Variants in MET observed in about 807,000 individuals in gnomAD.
MET encodes the protein hepatocyte growth factor receptor.
In MET, 48 loss-of-function variants were observed where a neutral mutation model predicts 133.1. That is an observed-to-expected ratio of 0.36 (90% CI 0.29 to 0.46). The LOEUF is 0.46. MET is among the 20% of genes least tolerant of loss of function. MET has a pLI of 1.00. For synonymous variants in MET, 628 were observed against 616.5 expected (o/e 1.02, Z -0.28); for missense variants, 1,442 against 1,695.9 (o/e 0.85, Z 2.63).
chr7:116,698,230 C>G (rs751139564), intron 1 of MET, among the ~76,000 whole-genome samples: 7 of 152,200 alleles, frequency 4.6e-5, no homozygotes, highest in African/African-American at 1.2e-4. Flanking sequence ...CAGGCCCATT[C>G]ATGTTTCCTC....
intron 19 of MET, among the ~76,000 whole-genome samples, chr7:116,791,056 T>C (rs951234605): frequency 6.6e-6 from 1 of 152,208 alleles, no homozygotes; most frequent in Non-Finnish European, 1.5e-5. Context: ...CCAGCCTGGA[T>C]GACAGAGTGA....
chr7:116,688,272 A>G (rs908797866), intron 1 of MET, among the ~76,000 whole-genome samples: 4 of 152,066 alleles, frequency 2.6e-5, no homozygotes. Flanking sequence ...TGTTTCTCAA[A>G]TGTGATTTGC....
chr7:116,772,276 C>T (rs559712001), intron 14 of MET, among the ~76,000 whole-genome samples: 23 of 152,154 alleles, frequency 1.5e-4, no homozygotes, highest in East Asian at 3.9e-4. Context: ...TAAGAAATTG[C>T]GAAGCTCTCT....
chr7:116,766,783 T>C lies in MET; in HGVS notation c.2584-2862T>C, dbSNP rs371512340. 5.3e-5 allele frequency among the ~76,000 whole-genome samples: 8 copies of C among 152,292 alleles called. No homozygotes were observed. The East Asian group carries it at 9.6e-4, about 18-fold the overall frequency. On this transcript the variant is annotated intron_variant, in intron 11 of 20. Transcript: ENST00000397752. ...AGGGCAGTTTCATAGTATCTAATAATAAAGATAGTAAAAAATATATTCCTG... is the reference window on the plus strand; with the variant it reads ...AGGGCAGTTTCATAGTATCTAATAACAAAGATAGTAAAAAATATATTCCTG...
chr7:116,736,950 TACTTCAGGGGTA>T (rs1470951861), intron 3 of MET, among the ~76,000 whole-genome samples: 1 of 152,234 alleles, frequency 6.6e-6, no homozygotes, highest in Non-Finnish European at 1.5e-5. Context: ...TGGCACACAT[TACTTCAGGGGTA>T]TTTTGAGAGT....
chr7:116,700,330 A>C lies in MET; in HGVS notation c.1200+46A>C, dbSNP rs200739117. On this transcript the variant is annotated intron_variant, in intron 2 of 20. Coordinates refer to ENST00000397752, the MANE Select transcript of MET (RefSeq NM_000245.4). ...ACTTATAAACTGTGAGGTATAAATTAGAAATAAGTATCAGTCTCAAAAAGA... is the reference window on the plus strand; with the variant it reads ...ACTTATAAACTGTGAGGTATAAATTCGAAATAAGTATCAGTCTCAAAAAGA... 3.3e-4 allele frequency: 518 copies of C among 1,574,146 alleles called. No individual in the cohort carries two copies. The highest frequency in any genetic ancestry group is 4.0e-4 in the Non-Finnish European group (467 of 1,169,298).
Position 116,774,866 on chromosome 7 carries a change from T to C in MET, c.3029-15T>C, listed in dbSNP as rs1794944693. 6.2e-7 allele frequency: 1 copy of C among 1,601,508 alleles called. No individual in the cohort carries two copies. Among genetic ancestry groups the C allele is most frequent in the Non-Finnish European group, 8.6e-7 (1 of 1,168,834 alleles). On this transcript the variant is annotated splice_polypyrimidine_tract_variant and intron_variant, in intron 14 of 20. Transcript: ENST00000397752. ...TTTTACTGTTGTTCTTTAATAATTTTCCTTCATCTTACAGATCAGTTTCCT... is the reference window on the plus strand; with the variant it reads ...TTTTACTGTTGTTCTTTAATAATTTCCCTTCATCTTACAGATCAGTTTCCT...
intron 16 of MET, among the ~76,000 whole-genome samples, chr7:116,778,223 T>G (rs1238877632): frequency 6.6e-6 from 1 of 152,222 alleles, no homozygotes; most frequent in Non-Finnish European, 1.5e-5. Context: ...CCGCCTGTGT[T>G]GACAGGTCTC....
intron 1 of MET, among the ~76,000 whole-genome samples, chr7:116,681,420 C>T (rs1244472990): frequency 1.3e-5 from 2 of 152,054 alleles, no homozygotes; most frequent in Non-Finnish European, 2.9e-5. Flanking sequence ...AAGTTATGGC[C>T]CTAAAACCTG....
At chr7:116,703,450 C>T in intron 2 of MET, among the ~76,000 whole-genome samples, 1 of 152,072 alleles carries the variant, frequency 6.6e-6, no homozygotes, top group Non-Finnish European at 1.5e-5. Flanking sequence ...TAGGCTAATG[C>T]ATATTCTCTA....
At position 116,741,067 on chromosome 7, in the gene MET, G is replaced by GTT. The variant is rs112241458; in HGVS notation, c.1701+57_1701+58dup. The GTT allele has an allele frequency of 4.4e-3, 5,842 of 1,334,456 alleles. 4 individuals are homozygous for GTT. Among genetic ancestry groups the GTT allele is most frequent in the Admixed American group, 0.011 (497 of 45,424 alleles). The allele number at this position is 1,334,456 out of a possible 1,614,324, so 82.7% of individuals were successfully genotyped here. A position where few individuals can be genotyped will look rare whatever the true frequency, so the allele number is the denominator to read the frequency against. On this transcript the variant is annotated intron_variant, in intron 5 of 20. Transcript: ENST00000397752. ...GCTGGCATACATGTTTTTGTTTGGT[G>GTT]TTTTTTTTTTTTTTTTGGTTTGGTT... is the stretch of plus-strand genomic sequence containing the variant.
At chr7:116,728,309 G>C (rs576564280) in intron 2 of MET, among the ~76,000 whole-genome samples, 24 of 152,170 alleles carry the variant, frequency 1.6e-4, no homozygotes, top group Middle Eastern at 3.4e-3. Context: ...TTGATGGGGG[G>C]GGCAATAGAG....
intron 10 of MET, among the ~76,000 whole-genome samples, chr7:116,761,942 T>TATC (rs1262483970): frequency 6.6e-6 from 1 of 152,202 alleles, no homozygotes; most frequent in Non-Finnish European, 1.5e-5. Flanking sequence ...GTAATTGTTT[T>TATC]ATCTCCAACT....
At chr7:116,754,243 A>C (rs1794036655) in intron 5 of MET, among the ~76,000 whole-genome samples, 1 of 152,188 alleles carries the variant, frequency 6.6e-6, no homozygotes, top group Non-Finnish European at 1.5e-5. Context: ...GCTGAATGCA[A>C]CTGGGCAAAC....
intron 19 of MET, among the ~76,000 whole-genome samples, chr7:116,795,199 C>A (rs998467231): frequency 2.0e-5 from 3 of 152,130 alleles, no homozygotes; most frequent in Admixed American, 1.3e-4. Context: ...TTAATAGTAA[C>A]CTTTCAATGT....
rs766405300 is a variant in MET, at chr7:116,739,939, T to C, written c.1393-11T>C. The C allele has an allele frequency of 1.2e-6, 2 of 1,613,954 alleles. No homozygotes were observed. Among genetic ancestry groups the C allele is most frequent in the Admixed American group, 1.7e-5 (1 of 60,012 alleles). On this transcript the variant is annotated splice_polypyrimidine_tract_variant and intron_variant, in intron 3 of 20. Transcript: ENST00000397752. ...TTGGAATAAGGATGTTATAACTTTTTTGCTGTTTAGGTTGTGGTTTCTCGA... is the reference window on the plus strand; with the variant it reads ...TTGGAATAAGGATGTTATAACTTTTCTGCTGTTTAGGTTGTGGTTTCTCGA...
intron 1 of MET, among the ~76,000 whole-genome samples, chr7:116,695,189 G>A (rs1428091730): frequency 6.6e-6 from 1 of 152,034 alleles, no homozygotes; most frequent in Non-Finnish European, 1.5e-5. Context: ...ATTGATAAGT[G>A]CAGTTAACTT....
intron 5 of MET, among the ~76,000 whole-genome samples, chr7:116,754,210 A>G (rs1490998532): frequency 2.6e-5 from 4 of 152,232 alleles, no homozygotes; most frequent in Non-Finnish European, 4.4e-5. Context: ...AAAACCATCT[A>G]TATGTTTCAT....
At chr7:116,783,781 T>C (rs1190722053) in intron 19 of MET, among the ~76,000 whole-genome samples, 2 of 152,184 alleles carry the variant, frequency 1.3e-5, no homozygotes, top group Non-Finnish European at 2.9e-5. Context: ...ACAATGACTG[T>C]GACACAGGTG....
Sources: allele counts gnomAD v4.1 joint callset (sites outside exome capture counted in the v4.1 genomes callset), GRCh38; gene constraint gnomAD v4.1.1; transcripts MANE v1.5; gene names NCBI Gene and HGNC (gene_info 2026-07-23, HGNC 2026-07-21).